Variants in CDH2 observed in about 807,000 individuals in gnomAD.
CDH2 encodes cadherin 2.
A neutral mutation model predicts 92.0 loss-of-function variants in CDH2; 17 were observed. That is an observed-to-expected ratio of 0.18 (90% CI 0.13 to 0.28). The LOEUF (loss-of-function observed/expected upper bound fraction) is 0.28. Ranked by LOEUF, CDH2 falls within the 10% of genes least tolerant of loss-of-function variation. The probability of loss-of-function intolerance (pLI) is 1.00; values close to 1 mark genes in which losing one functional copy is unlikely to be tolerated. For missense variants in CDH2, 862 were observed against 1,133.1 expected, an observed-to-expected ratio of 0.76 and a Z score of 3.44; for synonymous variants, 419 against 415.9, an observed-to-expected ratio of 1.01 and a Z score of -0.09.
chr18:28,114,824 G>C (rs1030394515), intron 2 of CDH2, among the ~76,000 whole-genome samples: 2 of 151,250 alleles, frequency 1.3e-5, no homozygotes, highest in Non-Finnish European at 2.9e-5. Context: ...GACTCAACCT[G>C]TCCATCTTCT....
At chr18:28,108,042 GT>G (rs2015351406) in intron 2 of CDH2, among the ~76,000 whole-genome samples, 1 of 152,082 alleles carries the variant, frequency 6.6e-6, no homozygotes, top group South Asian at 2.1e-4. Flanking sequence ...CTGGCGAACA[GT>G]TTCCATAATA....
At chr18:28,160,342 GGAA>G (rs1316769872) in intron 1 of CDH2, among the ~76,000 whole-genome samples, 2 of 152,114 alleles carry the variant, frequency 1.3e-5, no homozygotes, top group Non-Finnish European at 2.9e-5. Context: ...TCAGGACTCT[GGAA>G]GTGCTGAGGG....
At chr18:28,039,776 C>T (rs1359969582) in intron 2 of CDH2, among the ~76,000 whole-genome samples, 2 of 152,138 alleles carry the variant, frequency 1.3e-5, no homozygotes, top group African/African-American at 4.8e-5. Flanking sequence ...GGCAATTCCA[C>T]ACAATTTGGA....
At chr18:28,057,730 A>G (rs1325049955) in intron 2 of CDH2, among the ~76,000 whole-genome samples, 1 of 152,186 alleles carries the variant, frequency 6.6e-6, no homozygotes, top group East Asian at 1.9e-4. Flanking sequence ...ACCTATGATA[A>G]CTTATTTATT....
intron 2 of CDH2, among the ~76,000 whole-genome samples, chr18:28,094,570 G>A (rs7232359): frequency 2.0e-3 from 297 of 151,506 alleles, no homozygotes; most frequent in African/African-American, 6.5e-3. Context: ...TGAGGCGGGC[G>A]GATCACAAGG....
At chr18:28,056,518 T>G (rs186254093) in intron 2 of CDH2, among the ~76,000 whole-genome samples, 1 of 152,100 alleles carries the variant, frequency 6.6e-6, no homozygotes, top group East Asian at 1.9e-4. Context: ...TCCTCTCTAT[T>G]AAAAATAAGA....
intron 14 of CDH2, among the ~76,000 whole-genome samples, chr18:27,964,311 T>C (rs2011485131): frequency 1.3e-5 from 2 of 152,268 alleles, no homozygotes; most frequent in South Asian, 2.1e-4. Flanking sequence ...GCTCTGGCCA[T>C]AGGTTGGGCC....
intron 2 of CDH2, among the ~76,000 whole-genome samples, chr18:28,050,642 A>G (rs2014172175): frequency 6.6e-6 from 1 of 152,170 alleles, no homozygotes; most frequent in Non-Finnish European, 1.5e-5. Context: ...AAAATGTTTA[A>G]AGGGGAAACC....
At chr18:28,170,438 C>T (rs956109087) in intron 1 of CDH2, among the ~76,000 whole-genome samples, 1 of 152,094 alleles carries the variant, frequency 6.6e-6, no homozygotes, top group Admixed American at 6.6e-5. Flanking sequence ...CTCCGCCTCC[C>T]GGGTTCAAGT....
At chr18:27,972,601 A>G (rs1180326611) in intron 14 of CDH2, among the ~76,000 whole-genome samples, 1 of 152,238 alleles carries the variant, frequency 6.6e-6, no homozygotes, top group Non-Finnish European at 1.5e-5. Context: ...TCCTGAAGAC[A>G]TCAGAGATCT....
chr18:28,088,106 T>C (rs2014969344), intron 2 of CDH2, among the ~76,000 whole-genome samples: 1 of 152,206 alleles, frequency 6.6e-6, no homozygotes, highest in African/African-American at 2.4e-5. Flanking sequence ...AATTAAATAC[T>C]ACCTTGATTA....
At chr18:28,007,079 G>A (rs1317194987) in intron 5 of CDH2, among the ~76,000 whole-genome samples, 42 of 148,970 alleles carry the variant, frequency 2.8e-4, no homozygotes, top group Admixed American at 2.8e-3. Flanking sequence ...AGAATTGCTT[G>A]AACCTGGGAG....
At chr18:28,098,209 C>G (rs1320075140) in intron 2 of CDH2, among the ~76,000 whole-genome samples, 1 of 151,998 alleles carries the variant, frequency 6.6e-6, no homozygotes, top group Non-Finnish European at 1.5e-5. Context: ...ATGACAATTA[C>G]ATTGAAGAAG....
At chr18:28,070,437 T>C (rs1431406101) in intron 2 of CDH2, among the ~76,000 whole-genome samples, 1 of 152,190 alleles carries the variant, frequency 6.6e-6, no homozygotes, top group African/African-American at 2.4e-5. Flanking sequence ...ATGTCACTGA[T>C]TCCAAATCAG....
At chr18:27,996,600 T>C (rs768478960) in intron 7 of CDH2, among the ~76,000 whole-genome samples, 5 of 152,198 alleles carry the variant, frequency 3.3e-5, no homozygotes, top group Non-Finnish European at 7.3e-5. Flanking sequence ...ATAGTTTATA[T>C]GGCTGTTATC....
At chr18:28,148,891 A>C (rs1238968365) in intron 1 of CDH2, among the ~76,000 whole-genome samples, 1 of 152,226 alleles carries the variant, frequency 6.6e-6, no homozygotes, top group Non-Finnish European at 1.5e-5. Context: ...CCAATCTAAT[A>C]AACTGTTCTT....
At chr18:27,950,300 GAAAC>G (rs546323921), downstream of CDH2, among the ~76,000 whole-genome samples, 215 of 152,192 alleles carry the variant, frequency 1.4e-3, 1 homozygote, top group Admixed American at 7.8e-3. Flanking sequence ...TGATGATTAA[GAAAC>G]AAACAGATAA....
At chr18:28,159,242 A>C (rs988914401) in intron 1 of CDH2, 17 of 152,192 alleles carry the variant, frequency 1.1e-4, no homozygotes, top group Admixed American at 3.3e-4. Flanking sequence ...CACAGAAAAG[A>C]AGCTTGGTGA....
At chr18:28,150,966 A>G (rs772834333) in intron 1 of CDH2, among the ~76,000 whole-genome samples, 3 of 152,248 alleles carry the variant, frequency 2.0e-5, no homozygotes, top group African/African-American at 7.2e-5. Flanking sequence ...AAAAACAAAC[A>G]GGAAGCACTC....
Sources: gnomAD v4.1 joint callset for allele counts (sites outside exome capture counted in the v4.1 genomes callset) on GRCh38, gnomAD v4.1.1 for gene constraint, MANE v1.5 for transcripts, NCBI Gene and HGNC (gene_info 2026-07-23, HGNC 2026-07-21) for gene names.